Variants in CDH1 observed in about 807,000 individuals in gnomAD.
The protein encoded by CDH1 is cadherin 1.
A neutral mutation model predicts 84.5 loss-of-function variants in CDH1; 35 were observed. The ratio of observed to expected loss-of-function variants is 0.41; its 90% CI spans 0.32 to 0.55. CDH1 has a LOEUF of 0.55. Among genes scored for constraint, CDH1 ranks in the 20% least tolerant of loss-of-function variants. The pLI, the probability that CDH1 is intolerant of heterozygous loss-of-function variation, is 0.19. For synonymous variants in CDH1, 417 were observed against 439.0 expected (o/e 0.95, Z 0.63); for missense variants, 994 against 1,126.6 (o/e 0.88, Z 1.68).
intron 15 of CDH1, among the ~76,000 whole-genome samples, chr16:68,830,257 G>A (rs1961452002): frequency 6.6e-6 from 1 of 151,958 alleles, no homozygotes; most frequent in African/African-American, 2.4e-5. Flanking sequence ...CTGGCAGCCT[G>A]TTTTTCTTAA....
chr16:68,769,277 T>G (rs1436952633), intron 2 of CDH1, among the ~76,000 whole-genome samples: 1 of 152,176 alleles, frequency 6.6e-6, no homozygotes, highest in Non-Finnish European at 1.5e-5. Flanking sequence ...TACTGAAATA[T>G]GCCTATAGAA....
chr16:68,781,004 T>C (rs993037813), intron 2 of CDH1, among the ~76,000 whole-genome samples: 2 of 152,168 alleles, frequency 1.3e-5, no homozygotes, highest in Non-Finnish European at 2.9e-5. Flanking sequence ...ATTGGGAAGA[T>C]TAAGGAGCTA....
intron 2 of CDH1, among the ~76,000 whole-genome samples, chr16:68,781,466 C>CAGT (rs548056613): frequency 8.3e-4 from 127 of 152,100 alleles, no homozygotes; most frequent in African/African-American, 2.6e-3. Flanking sequence ...TCAGCCTGCC[C>CAGT]AGTAATTGGG....
intron 2 of CDH1, among the ~76,000 whole-genome samples, chr16:68,798,670 A>C (rs1960423438): frequency 6.6e-6 from 1 of 152,044 alleles, no homozygotes; most frequent in Non-Finnish European, 1.5e-5. Context: ...CTCAACTTTC[A>C]CTGTCTAAAT....
In CDH1 at chr16:68,815,012, G is replaced by A. The variant is rs376662827; in HGVS notation, c.1321-503G>A. 2.0e-5 allele frequency among the ~76,000 whole-genome samples: 3 copies of A among 151,644 alleles called. No individual in the cohort carries two copies. The East Asian group carries it at 5.8e-4, about 29-fold the overall frequency. ...AGGCCAAGGCGGGTGGATCACCTGA[G>A]GTCAGGAGTTCGAGACCAGCCTGGC... On this transcript the variant is annotated intron_variant, in intron 9 of 15. Transcript: ENST00000261769.
intron 2 of CDH1, among the ~76,000 whole-genome samples, chr16:68,755,680 G>A (rs1288028898): frequency 1.3e-5 from 2 of 151,912 alleles, no homozygotes; most frequent in Non-Finnish European, 2.9e-5. Flanking sequence ...TTCAAACCAG[G>A]AAATAATGCT....
intron 2 of CDH1, among the ~76,000 whole-genome samples, chr16:68,797,102 A>G (rs186758180): frequency 6.6e-6 from 1 of 152,200 alleles, no homozygotes; most frequent in East Asian, 1.9e-4. Flanking sequence ...TACTAATAAA[A>G]TAGGCCAAGC....
Position 68,833,407 on chromosome 16 carries a change from T to C in CDH1, c.2557T>C (p.Ser853Pro), listed in dbSNP as rs765978401. ...ASLSSLNSSE[S>P]DKDQDYDYLN... ...TCTGAGCTCCCTGAACTCCTCAGAG[T>C]CAGACAAAGACCAGGACTATGACTA... Residue 853 changes from serine (S) to proline (P), a missense_variant, in exon 16 of 16, where the codon TCA becomes CCA. Around this residue, in one of 3 missense-constraint regions of CDH1, gnomAD observed 769 missense variants for 881.8 expected, o/e 0.87. Transcript: ENST00000261769. 8.7e-6 allele frequency: 14 copies of C among 1,613,878 alleles called. No individual in the cohort carries two copies. In the South Asian group the frequency reaches 1.3e-4, roughly 15 times the overall value.
At chr16:68,783,353 T>C (rs7193538) in intron 2 of CDH1, among the ~76,000 whole-genome samples, 63,636 of 144,214 alleles carry the variant, frequency 0.44, 13,908 homozygotes, top group Middle Eastern at 0.53. Flanking sequence ...GCTAAGATGA[T>C]GCCACTGCAC....
At chr16:68,806,728 C>A (rs1281777981) in intron 3 of CDH1, among the ~76,000 whole-genome samples, 1 of 152,160 alleles carries the variant, frequency 6.6e-6, no homozygotes, top group Non-Finnish European at 1.5e-5. Flanking sequence ...GTAATATCTG[C>A]CTGGGGCAAG....
chr16:68,758,118 GTTTC>G (rs1478723427), intron 2 of CDH1, among the ~76,000 whole-genome samples: 2 of 145,876 alleles, frequency 1.4e-5, no homozygotes, highest in African/African-American at 5.0e-5. Context: ...TGGCCTGCAA[GTTTC>G]TTTCTTTTTT....
intron 12 of CDH1, chr16:68,823,170 C>T: frequency 1.9e-6 from 1 of 520,268 alleles, no homozygotes; most frequent in South Asian, 2.1e-5. Flanking sequence ...CACTAGGCAG[C>T]TTTTTTAAAC....
chr16:68,818,374 A>T (rs978004463), intron 10 of CDH1, among the ~76,000 whole-genome samples: 2 of 152,058 alleles, frequency 1.3e-5, no homozygotes, highest in African/African-American at 4.8e-5. Flanking sequence ...TTATTTGCAG[A>T]TGGTTCAGCA....
At chr16:68,738,548 C>A in intron 2 of CDH1, 137 bp downstream of exon 2, 1 of 611,978 alleles carries the variant, frequency 1.6e-6, no homozygotes, top group Non-Finnish European at 2.9e-6. Context: ...GGAATTTACG[C>A]AGATTTGGGG....
chr16:68,823,706 T>C, intron 13 of CDH1, 80 bp downstream of exon 13: 1 of 955,712 alleles, frequency 1.0e-6, no homozygotes, highest in South Asian at 1.4e-5. Flanking sequence ...ATTTTTGTTC[T>C]TATATTAATA....
intron 2 of CDH1, among the ~76,000 whole-genome samples, chr16:68,779,644 G>C (rs1959821855): frequency 6.6e-6 from 1 of 152,198 alleles, no homozygotes; most frequent in Non-Finnish European, 1.5e-5. Flanking sequence ...GGATCACAAA[G>C]TCAAGAGATC....
chr16:68,820,638 C>A (rs566283043), intron 11 of CDH1, among the ~76,000 whole-genome samples: 1 of 152,168 alleles, frequency 6.6e-6, no homozygotes, highest in Non-Finnish European at 1.5e-5. Flanking sequence ...GTGTGAGCCA[C>A]CGTGCCTGGC....
chr16:68,749,410 T>C (rs997700586), intron 2 of CDH1, among the ~76,000 whole-genome samples: 1 of 152,206 alleles, frequency 6.6e-6, no homozygotes, highest in Non-Finnish European at 1.5e-5. Flanking sequence ...AGGATTTGTA[T>C]AGGATAGTGA....
intron 2 of CDH1, among the ~76,000 whole-genome samples, chr16:68,755,895 C>T (rs1963007118): frequency 6.6e-6 from 1 of 151,708 alleles, no homozygotes; most frequent in African/African-American, 2.4e-5. Context: ...TCCGGTGTAG[C>T]TGGGATTACA....
Sources: allele counts gnomAD v4.1 joint callset (sites outside exome capture counted in the v4.1 genomes callset), GRCh38; gene constraint gnomAD v4.1.1; regional missense constraint gnomAD v4.1.1; transcripts MANE v1.5; gene names NCBI Gene and HGNC (gene_info 2026-07-23, HGNC 2026-07-21).